The following PDLIM5 variants were observed in gnomAD, a reference collection of about 807,000 sequenced individuals.
The protein encoded by PDLIM5 is PDZ and LIM domain 5.
In PDLIM5, 34 loss-of-function variants were observed where a neutral mutation model predicts 64.2. The ratio of observed to expected loss-of-function variants is 0.53; its 90% CI spans 0.40 to 0.71. The LOEUF (loss-of-function observed/expected upper bound fraction) is 0.71, where lower values mean the gene tolerates loss of function less well. Among genes scored for constraint, PDLIM5 ranks in the 30% least tolerant of loss-of-function variants. The probability of loss-of-function intolerance (pLI) is 0.00; values close to 1 mark genes in which losing one functional copy is unlikely to be tolerated. For synonymous variants in PDLIM5, 253 were observed against 269.1 expected, an observed-to-expected ratio of 0.94 and a Z score of 0.59; for missense variants, 683 against 733.6, an observed-to-expected ratio of 0.93 and a Z score of 0.80.
chr4:94,522,908 T>A (rs1729955401), intron 2 of PDLIM5, among the ~76,000 whole-genome samples: 1 of 152,216 alleles, frequency 6.6e-6, no homozygotes, highest in Non-Finnish European at 1.5e-5. Flanking sequence ...TTGAATGGTT[T>A]CTTTAATTTG....
At chr4:94,477,074 T>C (rs543728933) in intron 2 of PDLIM5, among the ~76,000 whole-genome samples, 2 of 152,362 alleles carry the variant, frequency 1.3e-5, no homozygotes, top group Admixed American at 1.3e-4. Flanking sequence ...TCCCAGCTTC[T>C]ATGTCTTCAA....
intron 7 of PDLIM5, chr4:94,608,166 C>G (rs1456384261): frequency 6.5e-7 from 1 of 1,529,576 alleles, no homozygotes; most frequent in Non-Finnish European, 8.8e-7. Context: ...AAAGTAGCAA[C>G]TACTTATTCT....
chr4:94,488,308 G>C (rs887102807), intron 2 of PDLIM5, among the ~76,000 whole-genome samples: 2 of 152,084 alleles, frequency 1.3e-5, no homozygotes, highest in African/African-American at 4.8e-5. Flanking sequence ...TTCCTTTAAT[G>C]GTGCTTATAT....
chr4:94,585,869 G>A, intron 6 of PDLIM5, 132 bp downstream of exon 6: 2 of 649,480 alleles, frequency 3.1e-6, no homozygotes, highest in South Asian at 4.2e-5. Flanking sequence ...GCATAACATG[G>A]GTAATATAAA....
chr4:94,475,514 G>A (rs956281906), intron 2 of PDLIM5, among the ~76,000 whole-genome samples: 1 of 152,054 alleles, frequency 6.6e-6, no homozygotes. Context: ...TTGCATTAGG[G>A]TTAATTCTTT....
At chr4:94,615,321 G>T (rs1418857035) in intron 7 of PDLIM5, among the ~76,000 whole-genome samples, 1 of 152,160 alleles carries the variant, frequency 6.6e-6, no homozygotes, top group Non-Finnish European at 1.5e-5. Flanking sequence ...TATATGCCAT[G>T]CAGTTAACGA....
intron 2 of PDLIM5, among the ~76,000 whole-genome samples, chr4:94,498,335 T>C (rs1727592330): frequency 6.6e-6 from 1 of 152,188 alleles, no homozygotes; most frequent in Non-Finnish European, 1.5e-5. Flanking sequence ...TTTAAAAAAC[T>C]TTTGCTATCA....
intron 10 of PDLIM5, among the ~76,000 whole-genome samples, chr4:94,657,123 A>C (rs546247467): frequency 6.6e-6 from 1 of 152,194 alleles, no homozygotes; most frequent in Non-Finnish European, 1.5e-5. Flanking sequence ...TGTAGCAAGC[A>C]TTTATGAAAT....
In PDLIM5 at chr4:94,603,782, C is replaced by T. The variant is rs566239213; in HGVS notation, c.921-14222C>T. Among the ~76,000 whole-genome samples, 34 of 152,196 alleles carry T rather than the reference C, an allele frequency of 2.2e-4. 1 individual carries two copies. The highest frequency in any genetic ancestry group is 4.1e-4 in the Non-Finnish European group (28 of 68,032). Reference sequence around the variant, plus strand: ...TGCGTTCTCAGGGACCCCTGCTTCTCGGCTAGGCACCATGGCCTTAGCTAA... The same window carrying T: ...TGCGTTCTCAGGGACCCCTGCTTCTTGGCTAGGCACCATGGCCTTAGCTAA... On this transcript the variant is annotated intron_variant, in intron 7 of 12. Coordinates refer to ENST00000317968, the MANE Select transcript of PDLIM5 (RefSeq NM_006457.5).
intron 3 of PDLIM5, among the ~76,000 whole-genome samples, chr4:94,550,782 A>T (rs991965971): frequency 6.6e-6 from 1 of 152,172 alleles, no homozygotes; most frequent in African/African-American, 2.4e-5. Flanking sequence ...TTTATTTTTC[A>T]TATTGAAAAT....
At chr4:94,628,125 C>T (rs991927339) in intron 8 of PDLIM5, among the ~76,000 whole-genome samples, 2 of 152,098 alleles carry the variant, frequency 1.3e-5, no homozygotes, top group Non-Finnish European at 2.9e-5. Context: ...TCATTGAATC[C>T]TCTCACCCTT....
intron 7 of PDLIM5, among the ~76,000 whole-genome samples, chr4:94,588,966 A>G (rs1319111606): frequency 6.6e-6 from 1 of 152,202 alleles, no homozygotes; most frequent in African/African-American, 2.4e-5. Flanking sequence ...CTTTTGTCAT[A>G]TCAGTTCTTC....
chr4:94,465,875 G>T (rs1445193826), intron 2 of PDLIM5, among the ~76,000 whole-genome samples: 1 of 152,010 alleles, frequency 6.6e-6, no homozygotes, highest in Non-Finnish European at 1.5e-5. Context: ...AGGAATAGAT[G>T]ACAGTTCTCA....
At chr4:94,460,193 C>T (rs1287404694) in intron 2 of PDLIM5, among the ~76,000 whole-genome samples, 1 of 152,136 alleles carries the variant, frequency 6.6e-6, no homozygotes, top group Non-Finnish European at 1.5e-5. Flanking sequence ...AGTTCAGAGA[C>T]CTGTCTTTTC....
chr4:94,593,105 A>G (rs1300323043), intron 7 of PDLIM5, among the ~76,000 whole-genome samples: 3 of 152,106 alleles, frequency 2.0e-5, no homozygotes, highest in African/African-American at 7.2e-5. Flanking sequence ...TTCCTACCGA[A>G]GTTTGAGCTC....
chr4:94,592,963 C>T (rs1463217040), intron 7 of PDLIM5, among the ~76,000 whole-genome samples: 1 of 152,076 alleles, frequency 6.6e-6, no homozygotes, highest in Non-Finnish European at 1.5e-5. Context: ...ACAGAGCGCC[C>T]TCTCCACTGC....
chr4:94,629,621 A>G (rs1739981717), intron 8 of PDLIM5, among the ~76,000 whole-genome samples: 1 of 152,208 alleles, frequency 6.6e-6, no homozygotes, highest in Admixed American at 6.5e-5. Context: ...GATATTGTAG[A>G]TCCAGTTTAA....
chr4:94,630,036 G>A (rs1257036529), intron 8 of PDLIM5, among the ~76,000 whole-genome samples: 1 of 152,086 alleles, frequency 6.6e-6, no homozygotes, highest in African/African-American at 2.4e-5. Context: ...CTGGGGAAGG[G>A]GCAGAGAAGA....
At position 94,523,258 on chromosome 4, in the gene PDLIM5, T is replaced by A. The variant is rs187278789; in HGVS notation, c.97-466T>A. Among the ~76,000 whole-genome samples, 12 of 152,310 alleles carry A rather than the reference T, an allele frequency of 7.9e-5. No individual in the cohort carries two copies. The East Asian group carries it at 2.3e-3, about 29-fold the overall frequency. On this transcript the variant is annotated intron_variant, in intron 2 of 12. Transcript: ENST00000317968. ...TATGAACTGGACTCAACAGGAAGGATTGTTTAGCAGATCTTCCCTCTCTGT... is the reference window on the plus strand; with the variant it reads ...TATGAACTGGACTCAACAGGAAGGAATGTTTAGCAGATCTTCCCTCTCTGT...
Sources: allele counts gnomAD v4.1 joint callset (sites outside exome capture counted in the v4.1 genomes callset), GRCh38; gene constraint gnomAD v4.1.1; transcripts MANE v1.5; gene names NCBI Gene and HGNC (gene_info 2026-07-23, HGNC 2026-07-21).